Variants in FCHSD2 observed in about 807,000 individuals in gnomAD.
FCHSD2 encodes F-BAR and double SH3 domains protein 2.
A neutral mutation model predicts 108.1 loss-of-function variants in FCHSD2; 38 were observed. The ratio of observed to expected loss-of-function variants is 0.35; its 90% CI spans 0.27 to 0.46. The LOEUF is 0.46. Ranked by LOEUF, FCHSD2 falls within the 20% of genes least tolerant of loss-of-function variation. The pLI, the probability that FCHSD2 is intolerant of heterozygous loss-of-function variation, is 1.00. For synonymous variants in FCHSD2, 279 were observed against 314.7 expected (o/e 0.89, Z 1.20); for missense variants, 751 against 897.8 (o/e 0.84, Z 2.09).
intron 9 of FCHSD2, among the ~76,000 whole-genome samples, chr11:72,903,147 CCATCTTACAGCA>C (rs1855560261): frequency 2.0e-5 from 3 of 152,098 alleles, no homozygotes; most frequent in Admixed American, 6.5e-5. Context: ...ACTCTAATTA[CCATCTTACAGCA>C]TACCAAGAAG....
intron 2 of FCHSD2, among the ~76,000 whole-genome samples, chr11:73,139,320 C>T (rs1481466053): frequency 6.6e-6 from 1 of 152,164 alleles, no homozygotes; most frequent in Non-Finnish European, 1.5e-5. Flanking sequence ...GAATTGCAGC[C>T]ACTCTTGCTT....
chr11:73,122,875 T>C (rs1860766683), intron 2 of FCHSD2, among the ~76,000 whole-genome samples: 1 of 152,240 alleles, frequency 6.6e-6, no homozygotes, highest in African/African-American at 2.4e-5. Flanking sequence ...CTACAAGATA[T>C]GCAGATTAAG....
At chr11:73,113,071 CTCACTAATTCTTTAT>C (rs1860525938) in intron 2 of FCHSD2, among the ~76,000 whole-genome samples, 1 of 152,102 alleles carries the variant, frequency 6.6e-6, no homozygotes, top group African/African-American at 2.4e-5. Flanking sequence ...TATCTTCAAG[CTCACTAATTCTTTAT>C]TCTGCTTGAT....
chr11:72,946,045 A>G (rs560700574), intron 8 of FCHSD2, among the ~76,000 whole-genome samples: 5 of 152,238 alleles, frequency 3.3e-5, no homozygotes, highest in African/African-American at 1.2e-4. Flanking sequence ...TCCATTACCG[A>G]GTATATACTC....
chr11:72,902,615 C>G lies in FCHSD2; in HGVS notation c.852G>C (p.Gln284His). 2 of 1,576,862 alleles carry G rather than the reference C, an allele frequency of 1.3e-6. No individual in the cohort carries two copies. Among genetic ancestry groups the G allele is most frequent in the South Asian group, 1.2e-5 (1 of 85,728 alleles). Residue 284 changes from glutamine to histidine, a missense_variant, in exon 10 of 20, where the codon CAG (glutamine) becomes CAC (histidine). Gln to His is a conservative substitution (Grantham distance 24, BLOSUM62 0). Coordinates refer to ENST00000409418, the MANE Select transcript of FCHSD2 (RefSeq NM_014824.3). ...ATACAGCGTTTTCTTGCAAAAACAGCTGAAGATTGTAGTCCCGGACCACCT... is the reference window on the plus strand; with the variant it reads ...ATACAGCGTTTTCTTGCAAAAACAGGTGAAGATTGTAGTCCCGGACCACCT... ...SSKVVRDYNL[Q>H]LFLQENAVFH...
intron 12 of FCHSD2, among the ~76,000 whole-genome samples, chr11:72,881,262 A>G (rs1054384544): frequency 2.6e-5 from 4 of 152,222 alleles, no homozygotes; most frequent in African/African-American, 9.6e-5. Flanking sequence ...GCCAACAGGT[A>G]TATGAAAAAA....
chr11:72,951,014 T>A (rs1856611359), intron 8 of FCHSD2, among the ~76,000 whole-genome samples: 1 of 152,210 alleles, frequency 6.6e-6, no homozygotes. Flanking sequence ...CCCTATCCAC[T>A]GGCTAGAACT....
chr11:72,871,578 C>T (rs1854858469), intron 12 of FCHSD2, among the ~76,000 whole-genome samples: 1 of 108,356 alleles, frequency 9.2e-6, no homozygotes, highest in Non-Finnish European at 1.9e-5. Context: ...TTCTGTGGGA[C>T]TCTTGGACAA....
chr11:72,956,747 G>A (rs1376925755), intron 8 of FCHSD2, among the ~76,000 whole-genome samples: 1 of 151,704 alleles, frequency 6.6e-6, no homozygotes, highest in Non-Finnish European at 1.5e-5. Context: ...TGGGGGTCAG[G>A]ACCTCAACAT....
intron 8 of FCHSD2, among the ~76,000 whole-genome samples, chr11:72,945,218 A>G (rs923100769): frequency 6.6e-6 from 1 of 152,226 alleles, no homozygotes; most frequent in Non-Finnish European, 1.5e-5. Context: ...CCAATGGAAC[A>G]GAACAGAGCC....
At chr11:73,078,884 A>AT (rs1016077474) in intron 3 of FCHSD2, among the ~76,000 whole-genome samples, 1 of 151,560 alleles carries the variant, frequency 6.6e-6, no homozygotes, top group African/African-American at 2.4e-5. Flanking sequence ...CGCCTGGCTA[A>AT]TTTTTTTTTA....
At chr11:72,891,975 G>C (rs1459664989) in intron 10 of FCHSD2, among the ~76,000 whole-genome samples, 1 of 152,132 alleles carries the variant, frequency 6.6e-6, no homozygotes, top group Admixed American at 6.5e-5. Flanking sequence ...AGAAAATCCA[G>C]ATAATTCCTA....
At chr11:73,060,668 A>T (rs1426224048) in intron 3 of FCHSD2, among the ~76,000 whole-genome samples, 1 of 152,236 alleles carries the variant, frequency 6.6e-6, no homozygotes, top group Non-Finnish European at 1.5e-5. Flanking sequence ...GAGATTTAAA[A>T]AATAAAAAGG....
At chr11:72,924,347 G>A (rs1433194161) in intron 8 of FCHSD2, among the ~76,000 whole-genome samples, 5 of 151,778 alleles carry the variant, frequency 3.3e-5, no homozygotes, top group Admixed American at 2.0e-4. Context: ...GCATGATCTC[G>A]GCTCACTGCA....
chr11:73,096,551 G>T lies in FCHSD2; in HGVS notation c.120-12811C>A, dbSNP rs139520391. ...GGGTGGCAGAGCAAAGGAAAGGAAA[G>T]GAAAGGAAAGGACAGGACAGGATGA... is the stretch of plus-strand genomic sequence containing the variant. On this transcript the variant is annotated intron_variant, in intron 2 of 19. Coordinates refer to ENST00000409418, the MANE Select transcript of FCHSD2 (RefSeq NM_014824.3). Among the ~76,000 whole-genome samples, 116 of 151,930 alleles carry T rather than the reference G, an allele frequency of 7.6e-4. 1 individual carries two copies. Among genetic ancestry groups the T allele is most frequent in the Non-Finnish European group, 1.4e-3 (97 of 67,924 alleles).
intron 3 of FCHSD2, among the ~76,000 whole-genome samples, chr11:73,031,305 T>C (rs1028510988): frequency 2.0e-5 from 3 of 152,004 alleles, no homozygotes; most frequent in Non-Finnish European, 2.9e-5. Context: ...CGAAACCCTG[T>C]CTCTATCAAA....
In FCHSD2 at chr11:73,048,276, G is replaced by A. The variant is rs78197229; in HGVS notation, c.166-32391C>T. Among the ~76,000 whole-genome samples the A allele has an allele frequency of 4.4e-3, 668 of 152,132 alleles. 6 individuals are homozygous for A. Among genetic ancestry groups the A allele is most frequent in the African/African-American group, 0.015 (633 of 41,506 alleles). On this transcript the variant is annotated intron_variant, in intron 3 of 19. Transcript: ENST00000409418. ...CATCCCTCAGCTCATGCCATGTACCGACACACATATGGGACCCAAAAGTTA... is the reference window on the plus strand; with the variant it reads ...CATCCCTCAGCTCATGCCATGTACCAACACACATATGGGACCCAAAAGTTA...
rs150235624 is a variant in FCHSD2 at position 73,114,012 on chromosome 11, C to G, written c.119+26019G>C. On this transcript the variant is annotated intron_variant, in intron 2 of 19. Coordinates refer to ENST00000409418, the MANE Select transcript of FCHSD2 (RefSeq NM_014824.3). ...AAAGCAAGCTGGGCCTCTGTCCTTC[C>G]CTTTAGGGTGGCAATTTCCCCCATA... 7.2e-5 allele frequency among the ~76,000 whole-genome samples: 11 copies of G among 152,154 alleles called. No homozygotes were observed. In the South Asian group the frequency reaches 1.2e-3, roughly 17 times the overall value.
chr11:73,019,115 A>G (rs369537734), intron 3 of FCHSD2, among the ~76,000 whole-genome samples: 1 of 152,192 alleles, frequency 6.6e-6, no homozygotes. Context: ...AAATGACATG[A>G]TAGTGACTTT....
Sources: gnomAD v4.1 joint callset for allele counts (sites outside exome capture counted in the v4.1 genomes callset) on GRCh38, gnomAD v4.1.1 for gene constraint, MANE v1.5 for transcripts, NCBI Gene and HGNC (gene_info 2026-07-23, HGNC 2026-07-21) for gene names.